Variants in SPINK5 observed in about 807,000 individuals in gnomAD.
The protein encoded by SPINK5 is serine peptidase inhibitor Kazal type 5.
In SPINK5, 125 loss-of-function variants were observed where a neutral mutation model predicts 151.8. The observed-to-expected ratio is 0.82, with a 90% CI of 0.71 to 0.96. The LOEUF is 0.96. Ranked by LOEUF, SPINK5 falls within the 40% of genes least tolerant of loss-of-function variation. The pLI is 0.00. For missense variants in SPINK5, 1,194 were observed against 1,291.9 expected (o/e 0.92, Z 1.16); for synonymous variants, 374 against 395.3 (o/e 0.95, Z 0.64).
rs748892877 is a variant in SPINK5 at position 148,108,821 on chromosome 5, A to G, written c.1676A>G (p.Lys559Arg). ...GGGAAAGTCGAGGCTGAAAAAGTTA[A>G]GAGAGAAGCAGTTCAGGTAGTTGTT... Reference protein sequence around the residue: ...EKGKVEAEKVKREAVQELCSE... With the variant: ...EKGKVEAEKVRREAVQELCSE... Residue 559 changes from lysine to arginine, a missense_variant, in exon 18 of 33, where the codon AAG (lysine) becomes AGG (arginine). Lys to Arg is a conservative substitution (Grantham distance 26, BLOSUM62 2). Coordinates refer to ENST00000256084, the MANE Select transcript of SPINK5 (RefSeq NM_006846.4). 6.2e-7 allele frequency: 1 copy of G among 1,612,386 alleles called. No homozygotes were observed.
intron 10 of SPINK5, among the ~76,000 whole-genome samples, chr5:148,096,257 A>G (rs78025411): frequency 0.018 from 2,702 of 152,126 alleles, 50 homozygotes; most frequent in South Asian, 0.1. Context: ...TTCAAAAACA[A>G]TATCAATGTT....
intron 4 of SPINK5, among the ~76,000 whole-genome samples, chr5:148,083,444 T>C (rs1222836545): frequency 6.6e-6 from 1 of 151,480 alleles, no homozygotes; most frequent in African/African-American, 2.4e-5. Context: ...ACTTGGTTCT[T>C]TCATTTTTAA....
At position 148,065,549 on chromosome 5, in the gene SPINK5, A is replaced by T. The variant is rs1388123357; in HGVS notation, c.81+177A>T. ...ATCAGGACATGAGCCTCTCTCTCAC[A>T]CACACACACACACACACACACACTC... On this transcript the variant is annotated intron_variant, in intron 2 of 32. Transcript: ENST00000256084. 7.4e-5 allele frequency: 4 copies of T among 54,232 alleles called. No individual in the cohort carries two copies. The African/African-American group carries it at 1.1e-3, about 14-fold the overall frequency. 3.4% of individuals were successfully genotyped at this position (54,232 alleles called of 1,614,324 possible).
rs80019167 is a variant in SPINK5 at position 148,119,033 on chromosome 5, A to T, written c.2288A>T (p.Asn763Ile). 18 of 1,614,004 alleles carry T rather than the reference A, an allele frequency of 1.1e-5. No individual in the cohort carries two copies. The South Asian group carries it at 1.6e-4, about 15-fold the overall frequency. Residue 763 changes from asparagine to isoleucine, a missense_variant, in exon 24 of 33, where the codon AAT becomes ATT. Asn to Ile is a moderately radical substitution (Grantham distance 149). Coordinates refer to ENST00000256084, the MANE Select transcript of SPINK5 (RefSeq NM_006846.4). ...AATGAGTATTCTCGCTCCAGATCAA[A>T]TGGGACTGGATCAGAATCAGGGAAG... ...RKNEYSRSRS[N>I]GTGSESGKDT... is the part of the protein sequence containing the mutation.
At chr5:148,100,357 G>A (rs1212864510) in intron 12 of SPINK5, 97 bp from the exon 13 acceptor site, 1 of 1,301,648 alleles carries the variant, frequency 7.7e-7, no homozygotes, top group Non-Finnish European at 1.1e-6. Flanking sequence ...TCAGCTCAAA[G>A]AGATGTAACA....
At chr5:148,067,173 G>T (rs1365501047) in intron 2 of SPINK5, among the ~76,000 whole-genome samples, 2 of 152,176 alleles carry the variant, frequency 1.3e-5, no homozygotes, top group Non-Finnish European at 2.9e-5. Flanking sequence ...AAGCAAGCTG[G>T]TCAGTGCTCT....
chr5:148,115,759 C>G (rs1172473332), intron 21 of SPINK5, among the ~76,000 whole-genome samples: 1 of 151,162 alleles, frequency 6.6e-6, no homozygotes, highest in Non-Finnish European at 1.5e-5. Context: ...TAGGTATTGG[C>G]GATAAACACA....
intron 28 of SPINK5, 178 bp downstream of exon 28, chr5:148,125,015 C>T: frequency 3.3e-6 from 3 of 914,624 alleles, no homozygotes; most frequent in South Asian, 2.9e-5. Flanking sequence ...GGGTTTGATA[C>T]CTTTTTTGAT....
At chr5:148,066,477 A>G (rs1752588829) in intron 2 of SPINK5, among the ~76,000 whole-genome samples, 1 of 152,170 alleles carries the variant, frequency 6.6e-6, no homozygotes, top group Admixed American at 6.5e-5. Flanking sequence ...TGAAACTCTG[A>G]GAACCATGGT....
rs146854127 is a variant in SPINK5, at chr5:148,091,787, A to G, written c.666+559A>G. On this transcript the variant is annotated intron_variant, in intron 8 of 32. Coordinates refer to ENST00000256084, the MANE Select transcript of SPINK5 (RefSeq NM_006846.4). Reference sequence around the variant, plus strand: ...TCTGCTTTAAAAAAAAAAAAAGACAAATTTTTAGAATGTGTTTTAAAAAAA... The same window carrying G: ...TCTGCTTTAAAAAAAAAAAAAGACAGATTTTTAGAATGTGTTTTAAAAAAA... Among the ~76,000 whole-genome samples the G allele has an allele frequency of 1.7e-3, 262 of 151,770 alleles. 5 individuals are homozygous for G. The East Asian group carries it at 0.043, about 25-fold the overall frequency.
intron 32 of SPINK5, among the ~76,000 whole-genome samples, chr5:148,135,187 G>A (rs955238514): frequency 3.3e-5 from 5 of 152,058 alleles, no homozygotes; most frequent in Admixed American, 1.3e-4. Flanking sequence ...TCCCTATATT[G>A]TGTTTGCTGT....
Position 148,122,001 on chromosome 5 carries a change from A to AGTGT in SPINK5, c.2538+1631_2538+1634dup, listed in dbSNP as rs35297940. ...AATAAAAATATTGAGATTGTGTGTG[A>AGTGT]GTGTGTGTGTGTGTGTGTGTGTGTC... On this transcript the variant is annotated intron_variant, in intron 26 of 32. Coordinates refer to ENST00000256084, the MANE Select transcript of SPINK5 (RefSeq NM_006846.4). 2.8e-3 allele frequency among the ~76,000 whole-genome samples: 423 copies of AGTGT among 148,504 alleles called. 3 individuals are homozygous for AGTGT. Among genetic ancestry groups the AGTGT allele is most frequent in the African/African-American group, 7.8e-3 (317 of 40,876 alleles).
In SPINK5 at chr5:148,091,211, C is replaced by T. The variant is rs367958902; in HGVS notation, c.649C>T (p.Arg217Ter). Residue 217 changes from arginine (R) to a stop codon, truncating the protein, a stop_gained, in exon 8 of 33, where the codon CGA becomes TGA. Transcript: ENST00000256084. LOFTEE classifies it high-confidence loss of function. ...NAKREGETRIRRNAEKDFCKE... is the reference protein window; with the variant it reads ...NAKREGETRI ...CAAGCGAGAGGGTGAAACTAGAATT[C>T]GACGAAATGCTGAAAAGGTAAAATG... The T allele has an allele frequency of 2.0e-5, 32 of 1,611,084 alleles. No homozygotes were observed. The highest frequency in any genetic ancestry group is 1.8e-5 in the Non-Finnish European group (21 of 1,178,484).
Position 148,089,505 on chromosome 5 carries a change from T to C in SPINK5, c.486T>C (p.Ser162=), listed in dbSNP as rs757488760. 12 of 1,611,906 alleles carry C rather than the reference T, an allele frequency of 7.4e-6. No homozygotes were observed. Among genetic ancestry groups the C allele is most frequent in the Non-Finnish European group, 8.5e-7 (1 of 1,178,570 alleles). ...KSSNPEQDVC[S]AFRPFVRDGR... ...TCCCTGTTCTTCAGGATGTATGCAG[T>C]GCTTTTCGGCCCTTTGTTAGAGATG... The change falls in exon 7 of 33, where the codon AGT becomes AGC. Residue 162 remains serine (S), a synonymous_variant. Transcript: ENST00000256084.
intron 15 of SPINK5, 101 bp from the exon 16 acceptor site, chr5:148,104,851 G>T: frequency 2.8e-6 from 3 of 1,074,762 alleles, no homozygotes; most frequent in Non-Finnish European, 4.1e-6. Context: ...AGCCGAGATC[G>T]CGCCACTGCA....
Position 148,127,052 on chromosome 5 carries a change from A to T in SPINK5, c.2937A>T (p.Glu979Asp). Residue 979 changes from glutamate to aspartate, a missense_variant, in exon 30 of 33, where the codon GAA becomes GAT. By Grantham distance (45) the Glu-to-Asp change is conservative (BLOSUM62 2). Transcript: ENST00000256084. ...KPSHVRASQEEDSPDSFSSLD... is the reference protein window; with the variant it reads ...KPSHVRASQEDDSPDSFSSLD... ...CCCATGTTAGAGCTTCTCAAGAGGA[A>T]GACAGCCCAGACTCTTTCAGTTCTC... 6.2e-7 allele frequency: 1 copy of T among 1,613,598 alleles called. No individual in the cohort carries two copies. Among genetic ancestry groups the T allele is most frequent in the Non-Finnish European group, 8.5e-7 (1 of 1,179,718 alleles).
chr5:148,119,118 C>A, intron 24 of SPINK5, 60 bp downstream of exon 24: 2 of 1,498,060 alleles, frequency 1.3e-6, no homozygotes, highest in South Asian at 2.3e-5. Flanking sequence ...AGTTGGCGAT[C>A]AAAACTATAG....
intron 26 of SPINK5, among the ~76,000 whole-genome samples, chr5:148,123,408 AATATATTATATATATAGATATATAT>A (rs1754328391): frequency 2.4e-5 from 1 of 41,868 alleles, no homozygotes; most frequent in Non-Finnish European, 7.9e-5. Flanking sequence ...AGATAGATAT[AATATATTATATATATAGATATATAT>A]TATCTATCTA....
chr5:148,099,887 C>A (rs1753589566), intron 12 of SPINK5, among the ~76,000 whole-genome samples: 1 of 152,028 alleles, frequency 6.6e-6, no homozygotes, highest in Admixed American at 6.6e-5. Flanking sequence ...CTCTTAAAAC[C>A]CACAAGCAGC....
Sources: allele counts gnomAD v4.1 joint callset (sites outside exome capture counted in the v4.1 genomes callset), GRCh38; gene constraint gnomAD v4.1.1; transcripts MANE v1.5; gene names NCBI Gene and HGNC (gene_info 2026-07-23, HGNC 2026-07-21).